Variants in MAGI1 observed in about 807,000 individuals in gnomAD.
MAGI1 encodes membrane-associated guanylate kinase, WW and PDZ domain-containing protein 1.
A neutral mutation model predicts 139.9 loss-of-function variants in MAGI1; 58 were observed. The ratio of observed to expected loss-of-function variants is 0.41; its 90% CI spans 0.34 to 0.52. MAGI1 has a LOEUF of 0.52. Among genes scored for constraint, MAGI1 ranks in the 20% least tolerant of loss-of-function variants. The pLI, the probability that MAGI1 is intolerant of heterozygous loss-of-function variation, is 0.12. For missense variants in MAGI1, 1,874 were observed against 1,901.6 expected, an observed-to-expected ratio of 0.99 and a Z score of 0.27; for synonymous variants, 812 against 737.9, an observed-to-expected ratio of 1.10 and a Z score of -1.63.
intron 1 of MAGI1, among the ~76,000 whole-genome samples, chr3:65,811,009 A>G (rs2041194116): frequency 6.6e-6 from 1 of 152,242 alleles, no homozygotes; most frequent in Admixed American, 6.5e-5. Flanking sequence ...TTGATAAACA[A>G]TTGAATGAAT....
intron 2 of MAGI1, among the ~76,000 whole-genome samples, chr3:65,502,513 A>G (rs2077121757): frequency 6.6e-6 from 1 of 152,224 alleles, no homozygotes; most frequent in Non-Finnish European, 1.5e-5. Context: ...TCCCAGCTAC[A>G]AGGGAAGCTG....
At position 65,403,051 on chromosome 3, in the gene MAGI1, C is replaced by CCT. The variant is rs1199003351; in HGVS notation, c.2168-1582_2168-1581insAG. On this transcript the variant is annotated intron_variant, in intron 12 of 22. Coordinates refer to ENST00000402939, the MANE Select transcript of MAGI1 (RefSeq NM_001033057.2). Reference sequence around the variant, plus strand: ...GAAACTCTGATATGGTAGAGTATTACTCTTTCAAATCAGGCAAACTCAGAT... The same window carrying CCT: ...GAAACTCTGATATGGTAGAGTATTACCTTCTTTCAAATCAGGCAAACTCAGAT... 1.3e-5 allele frequency among the ~76,000 whole-genome samples: 2 copies of CCT among 152,188 alleles called. 1 individual carries two copies. Among genetic ancestry groups the CCT allele is most frequent in the Non-Finnish European group, 2.9e-5 (2 of 68,026 alleles).
At chr3:66,032,634 CAG>C (rs1258816289) in intron 1 of MAGI1, among the ~76,000 whole-genome samples, 8 of 151,704 alleles carry the variant, frequency 5.3e-5, no homozygotes, top group African/African-American at 1.7e-4. Flanking sequence ...AAAGAAGAAA[CAG>C]GGCCCGTTGC....
At chr3:66,031,988 C>T (rs2068624741) in intron 1 of MAGI1, among the ~76,000 whole-genome samples, 1 of 152,166 alleles carries the variant, frequency 6.6e-6, no homozygotes, top group South Asian at 2.1e-4. Context: ...TTCATTAATC[C>T]TTGTCAGTCA....
chr3:65,795,463 A>G (rs541991128), intron 1 of MAGI1, among the ~76,000 whole-genome samples: 1 of 152,318 alleles, frequency 6.6e-6, no homozygotes, highest in East Asian at 1.9e-4. Context: ...TTCCATTTGT[A>G]TAACATTCTT....
intron 1 of MAGI1, among the ~76,000 whole-genome samples, chr3:65,799,470 G>C (rs922599359): frequency 1.3e-5 from 2 of 152,208 alleles, no homozygotes; most frequent in Non-Finnish European, 2.9e-5. Flanking sequence ...AAAATTACTG[G>C]AGAGTCTCTA....
chr3:65,631,027 T>A (rs2084269752), intron 1 of MAGI1, among the ~76,000 whole-genome samples: 1 of 152,198 alleles, frequency 6.6e-6, no homozygotes, highest in Admixed American at 6.5e-5. Flanking sequence ...TGCAGTTGTG[T>A]AGTGTGTATG....
At chr3:65,917,724 A>G (rs1174060430) in intron 1 of MAGI1, among the ~76,000 whole-genome samples, 2 of 152,238 alleles carry the variant, frequency 1.3e-5, no homozygotes, top group Admixed American at 6.5e-5. Flanking sequence ...ATTATCTGAC[A>G]TTCTGGAAAA....
chr3:65,980,195 G>C (rs952075709), intron 1 of MAGI1, among the ~76,000 whole-genome samples: 2 of 152,166 alleles, frequency 1.3e-5, no homozygotes, highest in East Asian at 1.9e-4. Context: ...GTGTGACACT[G>C]GACAAATTAC....
At chr3:65,637,612 G>T (rs1486859599) in intron 1 of MAGI1, among the ~76,000 whole-genome samples, 1 of 140,718 alleles carries the variant, frequency 7.1e-6, no homozygotes, top group Non-Finnish European at 1.6e-5. Flanking sequence ...AAGAAAGAAA[G>T]AAAGAAAATT....
chr3:65,603,525 T>C (rs1295041956), intron 2 of MAGI1, among the ~76,000 whole-genome samples: 1 of 152,238 alleles, frequency 6.6e-6, no homozygotes, highest in Non-Finnish European at 1.5e-5. Context: ...GATTGAACCA[T>C]AGAACGTAGA....
At chr3:65,829,364 T>C (rs770897867) in intron 1 of MAGI1, among the ~76,000 whole-genome samples, 1 of 152,198 alleles carries the variant, frequency 6.6e-6, no homozygotes, top group Non-Finnish European at 1.5e-5. Context: ...AGTGTGATAG[T>C]ATCAAGAAGT....
Position 65,796,522 on chromosome 3 carries a change from C to T in MAGI1, c.314-174434G>A, listed in dbSNP as rs573517307. 5.9e-5 allele frequency among the ~76,000 whole-genome samples: 9 copies of T among 152,200 alleles called. No homozygotes were observed. The East Asian group carries it at 1.5e-3, about 26-fold the overall frequency. On this transcript the variant is annotated intron_variant, in intron 1 of 22. Coordinates refer to ENST00000402939, the MANE Select transcript of MAGI1 (RefSeq NM_001033057.2). ...ACTAAGCAGAAAATATGAGGGGAAACGGACACACTGGCTCCCACAGCGGTT... is the reference window on the plus strand; with the variant it reads ...ACTAAGCAGAAAATATGAGGGGAAATGGACACACTGGCTCCCACAGCGGTT...
At chr3:65,779,064 G>T (rs1461548275) in intron 1 of MAGI1, among the ~76,000 whole-genome samples, 1 of 152,178 alleles carries the variant, frequency 6.6e-6, no homozygotes, top group East Asian at 1.9e-4. Context: ...CAGTGCATAG[G>T]AAAAGAAACC....
At chr3:65,647,144 C>A (rs770788191) in intron 1 of MAGI1, among the ~76,000 whole-genome samples, 6 of 152,100 alleles carry the variant, frequency 3.9e-5, no homozygotes, top group Non-Finnish European at 5.9e-5. Flanking sequence ...GAAAAACCAA[C>A]TTAAGACACA....
At chr3:65,742,824 A>G (rs2035388611) in intron 1 of MAGI1, among the ~76,000 whole-genome samples, 1 of 152,224 alleles carries the variant, frequency 6.6e-6, no homozygotes, top group Non-Finnish European at 1.5e-5. Flanking sequence ...TCATACAGTC[A>G]ATCAGAATGT....
chr3:65,600,970 C>T (rs2082454987), intron 2 of MAGI1, among the ~76,000 whole-genome samples: 1 of 152,148 alleles, frequency 6.6e-6, no homozygotes, highest in African/African-American at 2.4e-5. Context: ...TCTACTTTTT[C>T]ACCTGTAAAA....
At chr3:65,808,155 T>A (rs1436408832) in intron 1 of MAGI1, among the ~76,000 whole-genome samples, 1 of 152,074 alleles carries the variant, frequency 6.6e-6, no homozygotes, top group Non-Finnish European at 1.5e-5. Flanking sequence ...CCAGCTAATT[T>A]TGTATTTTTA....
At chr3:65,440,497 G>C (rs1341140886) in intron 8 of MAGI1, among the ~76,000 whole-genome samples, 1 of 152,110 alleles carries the variant, frequency 6.6e-6, no homozygotes, top group East Asian at 1.9e-4. Context: ...GAATTATTGA[G>C]ACATAAGATT....
Sources: allele counts gnomAD v4.1 joint callset (sites outside exome capture counted in the v4.1 genomes callset), GRCh38; gene constraint gnomAD v4.1.1; transcripts MANE v1.5; gene names NCBI Gene and HGNC (gene_info 2026-07-23, HGNC 2026-07-21).